Variants in CHFR observed in about 807,000 individuals in gnomAD.
The protein encoded by CHFR is E3 ubiquitin-protein ligase CHFR.
A neutral mutation model predicts 87.6 loss-of-function variants in CHFR; 57 were observed. The ratio of observed to expected loss-of-function variants is 0.65; its 90% confidence interval spans 0.53 to 0.81. CHFR has a LOEUF of 0.81. Among genes scored for constraint, CHFR ranks in the 30% least tolerant of loss-of-function variants. CHFR has a pLI of 0.00. For missense variants in CHFR, 797 were observed against 865.8 expected (o/e 0.92, Z 1.00); for synonymous variants, 381 against 359.2 (o/e 1.06, Z -0.69).
intron 10 of CHFR, among the ~76,000 whole-genome samples, chr12:132,855,775 T>C (rs1229216579): frequency 6.6e-6 from 1 of 152,142 alleles, no homozygotes; most frequent in Non-Finnish European, 1.5e-5. Context: ...AATGCTAAAG[T>C]GGTTTTGGTT....
chr12:132,842,283 G>A (rs940098086), intron 17 of CHFR, among the ~76,000 whole-genome samples: 2 of 152,226 alleles, frequency 1.3e-5, no homozygotes, highest in Admixed American at 6.5e-5. Context: ...TGGGCAAGGA[G>A]GACCAGCATG....
At chr12:132,861,395 A>C (rs12578891) in intron 7 of CHFR, 72 bp downstream of exon 7, 278,846 of 1,487,788 alleles carry the variant, frequency 0.19, 28,039 homozygotes, top group Admixed American at 0.26. Context: ...CACAGCACGG[A>C]GCATGGCAGC....
intron 6 of CHFR, chr12:132,867,848 C>T (rs75265771): frequency 0.034 from 5,223 of 152,114 alleles, 120 homozygotes; most frequent in Middle Eastern, 0.054. Flanking sequence ...TTTTCCTGGG[C>T]TCTGTAAAAC....
At chr12:132,845,007 G>A (rs1437943189) in intron 15 of CHFR, among the ~76,000 whole-genome samples, 1 of 152,146 alleles carries the variant, frequency 6.6e-6, no homozygotes, top group African/African-American at 2.4e-5. Flanking sequence ...CTATTTCTAA[G>A]TATGTCTTGA....
intron 3 of CHFR, among the ~76,000 whole-genome samples, chr12:132,875,941 G>A (rs539853053): frequency 2.0e-5 from 3 of 152,176 alleles, no homozygotes; most frequent in Non-Finnish European, 4.4e-5. Flanking sequence ...TTGGGAGGCT[G>A]AGGCAGGCAG....
Position 132,837,810 on chromosome 12 carries a change from G to C in CHFR, c.*3744C>G, listed in dbSNP as rs1315161889. On this transcript the variant is annotated 3_prime_UTR_variant, in exon 18 of 18. Transcript: ENST00000450056. The stretch of plus-strand genomic sequence containing the variant: ...CTGCAGCCGCCCTCAGAAGGCGCAG[G>C]AGCTAGCGTGCATGCCAAAACGGAG... 2 of 152,388 alleles carry C rather than the reference G, an allele frequency of 1.3e-5. No individual in the cohort carries two copies. The highest frequency in any genetic ancestry group is 2.9e-5 in the Non-Finnish European group (2 of 68,140). 9.4% of individuals were successfully genotyped at this position (152,388 alleles called of 1,614,324 possible).
chr12:132,861,995 G>C, intron 6 of CHFR: 1 of 215,592 alleles, frequency 4.6e-6, no homozygotes, highest in South Asian at 7.3e-5. Flanking sequence ...GCTTTGGGCC[G>C]GGTGCGGTGG....
In CHFR at chr12:132,839,142, T is replaced by C. The variant is rs933964127; in HGVS notation, c.*2412A>G. On this transcript the variant is annotated 3_prime_UTR_variant, in exon 18 of 18. Coordinates refer to ENST00000450056, the MANE Select transcript of CHFR (RefSeq NM_001161346.2). ...GTCCTGAGGAAAGACCAGCATCCTC[T>C]ACAGGGCAAGTGTTCTTGTTTCTAC... The C allele has an allele frequency of 2.6e-5, 4 of 152,680 alleles. No individual in the cohort carries two copies. Among genetic ancestry groups the C allele is most frequent in the African/African-American group, 7.2e-5 (3 of 41,436 alleles). 9.5% of individuals were successfully genotyped at this position (152,680 alleles called of 1,614,324 possible).
rs373754363 is a variant in CHFR at position 132,861,511 on chromosome 12, T to C, written c.707A>G (p.Gln236Arg). 1 of 1,614,204 alleles carries C rather than the reference T, an allele frequency of 6.2e-7. No homozygotes were observed. The highest frequency in any genetic ancestry group is 8.5e-7 in the Non-Finnish European group (1 of 1,180,034). ...CACGGGCTCCAAATCCTCCTGATCC[T>C]GGGGTTCCAACGACGAAAAGGACGC... ...KTASFSSLEP[Q>R]DQEDLEPVKK... Residue 236 changes from glutamine to arginine, a missense_variant, in exon 7 of 18, where the codon CAG becomes CGG. Around this residue, in one of 2 missense-constraint regions of CHFR, gnomAD observed 597 missense variants for 601.2 expected, o/e 0.99. Transcript: ENST00000450056.
chr12:132,881,037 C>CGGGCG (rs1455701128), intron 2 of CHFR, among the ~76,000 whole-genome samples: 1 of 151,898 alleles, frequency 6.6e-6, no homozygotes, highest in Non-Finnish European at 1.5e-5. Flanking sequence ...GTGGCCAAGG[C>CGGGCG]GGGCGGATCA....
intron 17 of CHFR, 114 bp from the exon 18 acceptor site, chr12:132,841,710 C>A (rs1008667183): frequency 2.4e-6 from 2 of 841,084 alleles, no homozygotes; most frequent in Non-Finnish European, 4.1e-6. Context: ...AAACCATACA[C>A]AGAAAGAGCT....
chr12:132,879,767 C>T (rs1951723926), intron 2 of CHFR, among the ~76,000 whole-genome samples: 1 of 152,166 alleles, frequency 6.6e-6, no homozygotes, highest in Non-Finnish European at 1.5e-5. Flanking sequence ...GTTTTAATAT[C>T]TCATCATTAA....
chr12:132,854,586 C>T (rs1372585802), intron 10 of CHFR: 1 of 151,884 alleles, frequency 6.6e-6, no homozygotes, highest in Non-Finnish European at 1.5e-5. Flanking sequence ...GCGGGCGGAT[C>T]ACGAGGTCAG....
intron 6 of CHFR, among the ~76,000 whole-genome samples, chr12:132,865,288 G>A (rs1052551956): frequency 3.9e-5 from 6 of 152,172 alleles, no homozygotes; most frequent in African/African-American, 1.2e-4. Flanking sequence ...TGGAAGATAC[G>A]ATGAAGGGTA....
rs905814663 is a variant in CHFR, at chr12:132,832,918, C to T, written c.*8636G>A. The T allele has an allele frequency of 6.6e-6, 1 of 152,242 alleles. No homozygotes were observed. Among genetic ancestry groups the T allele is most frequent in the Admixed American group, 6.5e-5 (1 of 15,282 alleles). 9.4% of individuals were successfully genotyped at this position (152,242 alleles called of 1,614,324 possible). ...TGCATTCACTCCCTATCCCCTCCAC[C>T]CAGCCCGACAACCACTCAGTCACCT... On this transcript the variant is annotated 3_prime_UTR_variant, in exon 18 of 18. Transcript: ENST00000450056.
At chr12:132,877,517 C>T (rs747932956) in intron 3 of CHFR, 38 bp downstream of exon 3, 1 of 1,413,636 alleles carries the variant, frequency 7.1e-7, no homozygotes, top group Non-Finnish European at 9.9e-7. Context: ...TCTTAAGCTA[C>T]AAGAAGAAAC....
At chr12:132,856,706 C>T (rs2069587665) in intron 9 of CHFR, 76 bp from the exon 10 acceptor site, 5 of 1,507,108 alleles carry the variant, frequency 3.3e-6, no homozygotes, top group Middle Eastern at 1.7e-4. Context: ...CTGCTGGGAG[C>T]TCGCGTGCGC....
chr12:132,840,851 G>A lies in CHFR; in HGVS notation c.*703C>T, dbSNP rs766575351. 1 of 150,106 alleles carries A rather than the reference G, an allele frequency of 6.7e-6. No homozygotes were observed. Among genetic ancestry groups the A allele is most frequent in the Non-Finnish European group, 1.5e-5 (1 of 67,202 alleles). The allele number at this position is 150,106 out of a possible 1,614,324, so 9.3% of individuals were successfully genotyped here. ...AGGCTCGGGGCCGCGGTCACTCACC[G>A]GTTAGCAAGGAGCGACTAACTTGGC... is the stretch of plus-strand genomic sequence containing the variant. On this transcript the variant is annotated 3_prime_UTR_variant, in exon 18 of 18. Transcript: ENST00000450056.
intron 12 of CHFR, chr12:132,849,650 T>C (rs796378602): frequency 5.9e-5 from 9 of 151,320 alleles, no homozygotes; most frequent in South Asian, 4.2e-4. Flanking sequence ...GGCTGGAGTA[T>C]AGTGGAGCAA....
Sources: allele counts gnomAD v4.1 joint callset (sites outside exome capture counted in the v4.1 genomes callset), GRCh38; gene constraint gnomAD v4.1.1; regional missense constraint gnomAD v4.1.1; transcripts MANE v1.5; gene names NCBI Gene and HGNC (gene_info 2026-07-23, HGNC 2026-07-21).